Variants in MTUS2 observed in about 807,000 individuals in gnomAD.
MTUS2 encodes the protein microtubule associated scaffold protein 2.
A neutral mutation model predicts 114.1 loss-of-function variants in MTUS2; 40 were observed. The observed-to-expected ratio is 0.35, with a 90% confidence interval of 0.27 to 0.46. The LOEUF (loss-of-function observed/expected upper bound fraction) is 0.46. MTUS2 is among the 20% of genes least tolerant of loss of function. MTUS2 has a pLI of 1.00. For missense variants in MTUS2, 1,679 were observed against 1,705.4 expected, an observed-to-expected ratio of 0.98 and a Z score of 0.27; for synonymous variants, 688 against 672.0, an observed-to-expected ratio of 1.02 and a Z score of -0.37.
chr13:29,376,453 TA>T (rs1435957397), intron 8 of MTUS2, among the ~76,000 whole-genome samples: 1 of 151,986 alleles, frequency 6.6e-6, no homozygotes, highest in African/African-American at 2.4e-5. Context: ...AATGGAATAC[TA>T]AAAAATGTGC....
chr13:29,492,499 C>A, intron 11 of MTUS2, 147 bp from the exon 12 acceptor site: 12 of 567,758 alleles, frequency 2.1e-5, no homozygotes, highest in East Asian at 3.0e-5. Flanking sequence ...CAATTTCAAA[C>A]CAGTGGAGGA....
intron 8 of MTUS2, among the ~76,000 whole-genome samples, chr13:29,439,700 C>T (rs1679098012): frequency 6.6e-6 from 1 of 151,906 alleles, no homozygotes; most frequent in Admixed American, 6.6e-5. Context: ...CACAAATTTG[C>T]AAAGAATTAA....
intron 2 of MTUS2, among the ~76,000 whole-genome samples, chr13:28,926,783 A>G (rs1881351529): frequency 6.6e-6 from 1 of 152,206 alleles, no homozygotes; most frequent in Admixed American, 6.5e-5. Flanking sequence ...TTTTATAAAA[A>G]TGTATTTAAA....
chr13:29,149,023 T>C (rs143445194), intron 5 of MTUS2, among the ~76,000 whole-genome samples: 3 of 152,356 alleles, frequency 2.0e-5, no homozygotes, highest in African/African-American at 7.2e-5. Flanking sequence ...AATAGAATGA[T>C]GTATATTCCT....
At chr13:28,891,858 CAAAAAAAAAAAAAA>C (rs1169875500) in intron 2 of MTUS2, among the ~76,000 whole-genome samples, 1 of 52,184 alleles carries the variant, frequency 1.9e-5, no homozygotes, top group African/African-American at 6.9e-5. Flanking sequence ...GACTCTGTCT[CAAAAAAAAAAAAAA>C]AAAAAAAAAA....
At chr13:28,997,522 C>T (rs1048342322) in intron 2 of MTUS2, among the ~76,000 whole-genome samples, 2 of 152,048 alleles carry the variant, frequency 1.3e-5, no homozygotes, top group African/African-American at 2.4e-5. Flanking sequence ...TGTTTGGGAG[C>T]CTAAGTCTCT....
chr13:29,076,660 G>A (rs558009272), intron 4 of MTUS2, among the ~76,000 whole-genome samples: 12 of 152,250 alleles, frequency 7.9e-5, no homozygotes, highest in African/African-American at 2.6e-4. Flanking sequence ...GGCATAGCTG[G>A]CTTCCCCCTC....
At chr13:28,984,893 G>A (rs1190722689) in intron 2 of MTUS2, among the ~76,000 whole-genome samples, 1 of 152,170 alleles carries the variant, frequency 6.6e-6, no homozygotes, top group Non-Finnish European at 1.5e-5. Context: ...TTTGGGTTGT[G>A]TTTTCCTGTC....
At chr13:29,501,031 A>T (rs566570596) in intron 14 of MTUS2, 66 bp from the exon 15 acceptor site, 2 of 1,261,482 alleles carry the variant, frequency 1.6e-6, no homozygotes, top group East Asian at 4.7e-5. Flanking sequence ...CCCAGAGCTG[A>T]GGGCACCGGT....
upstream of MTUS2, among the ~76,000 whole-genome samples, chr13:28,820,150 C>G (rs953029600): frequency 6.8e-6 from 1 of 146,864 alleles, no homozygotes; most frequent in Non-Finnish European, 1.5e-5. Context: ...TCTCTTTGTC[C>G]AGGCGAGGCG....
chr13:29,003,086 G>A (rs1429794758), intron 2 of MTUS2, among the ~76,000 whole-genome samples: 2 of 152,180 alleles, frequency 1.3e-5, no homozygotes, highest in Non-Finnish European at 2.9e-5. Flanking sequence ...GAGAGTTCAC[G>A]CCTCAAGTTA....
intron 5 of MTUS2, among the ~76,000 whole-genome samples, chr13:29,103,784 G>A (rs1890534265): frequency 2.0e-5 from 3 of 152,222 alleles, no homozygotes; most frequent in Admixed American, 1.3e-4. Flanking sequence ...GTTGACTGAA[G>A]CATCGTTATG....
chr13:29,373,783 G>T (rs1871369934), intron 8 of MTUS2, among the ~76,000 whole-genome samples: 1 of 152,208 alleles, frequency 6.6e-6, no homozygotes, highest in African/African-American at 2.4e-5. Flanking sequence ...AGGCCCAGAG[G>T]AGTCTTATGA....
At chr13:29,160,832 C>T (rs1278763146) in intron 5 of MTUS2, among the ~76,000 whole-genome samples, 1 of 152,104 alleles carries the variant, frequency 6.6e-6, no homozygotes, top group Non-Finnish European at 1.5e-5. Flanking sequence ...TCCCCCGCCC[C>T]TGCATAGTTC....
chr13:29,360,697 C>T (rs542548149), intron 8 of MTUS2, among the ~76,000 whole-genome samples: 31 of 140,430 alleles, frequency 2.2e-4, no homozygotes, highest in South Asian at 1.6e-3. Flanking sequence ...CACCCCCCCC[C>T]CCCCGTAAGA....
intron 5 of MTUS2, among the ~76,000 whole-genome samples, chr13:29,225,781 A>G (rs532206863): frequency 2.6e-5 from 4 of 152,174 alleles, no homozygotes; most frequent in African/African-American, 4.8e-5. Flanking sequence ...TTTTCTGTTA[A>G]TAGAATATCT....
intron 2 of MTUS2, among the ~76,000 whole-genome samples, chr13:29,019,806 G>C (rs1246758555): frequency 6.6e-6 from 1 of 152,242 alleles, no homozygotes; most frequent in Non-Finnish European, 1.5e-5. Flanking sequence ...TGGTCACCTT[G>C]TTTAGGAGGG....
At chr13:28,919,708 G>A (rs1880941137) in intron 2 of MTUS2, among the ~76,000 whole-genome samples, 1 of 152,036 alleles carries the variant, frequency 6.6e-6, no homozygotes, top group African/African-American at 2.4e-5. Flanking sequence ...AAAACTCTTA[G>A]ATTTGCCTTT....
chr13:29,210,525 G>T (rs770508575), intron 5 of MTUS2, among the ~76,000 whole-genome samples: 1 of 152,060 alleles, frequency 6.6e-6, no homozygotes, highest in Admixed American at 6.6e-5. Context: ...TACCAGAATT[G>T]TTTTTCTGGT....
Sources: allele counts gnomAD v4.1 joint callset (sites outside exome capture counted in the v4.1 genomes callset), GRCh38; gene constraint gnomAD v4.1.1; transcripts MANE v1.5; gene names NCBI Gene and HGNC (gene_info 2026-07-23, HGNC 2026-07-21).